Variants in TENM4 observed in about 807,000 individuals in gnomAD.
The protein encoded by TENM4 is teneurin transmembrane protein 4.
Under a neutral mutation model 243.3 loss-of-function variants are expected in TENM4, and 82 were observed. The observed-to-expected ratio is 0.34, with a 90% CI of 0.28 to 0.40. The LOEUF (loss-of-function observed/expected upper bound fraction) is 0.40, where lower values mean the gene tolerates loss of function less well. Ranked by LOEUF, TENM4 falls within the 10% of genes least tolerant of loss-of-function variation. The pLI is 1.00. For synonymous variants in TENM4, 1,412 were observed against 1,456.3 expected, an observed-to-expected ratio of 0.97 and a Z score of 0.69; for missense variants, 3,138 against 3,673.3, an observed-to-expected ratio of 0.85 and a Z score of 3.77.
chr11:78,958,935 GT>G (rs1857262266), intron 6 of TENM4, among the ~76,000 whole-genome samples: 1 of 152,242 alleles, frequency 6.6e-6, no homozygotes, highest in African/African-American at 2.4e-5. Context: ...AGATAGAAAA[GT>G]TTTATCAGCT....
intron 6 of TENM4, among the ~76,000 whole-genome samples, chr11:78,961,964 G>A (rs1009729521): frequency 1.1e-4 from 17 of 152,134 alleles, no homozygotes; most frequent in Non-Finnish European, 1.8e-4. Context: ...ACACTCCAGC[G>A]GCGCCGCGGG....
Position 78,742,522 on chromosome 11 carries a change from C to A in TENM4, c.2757-3952G>T, listed in dbSNP as rs536945202. ...TCACTAAAGCCAACGTGAAATGCCC[C>A]CGTGTAGTTTTCTCTGACACCAGTG... On this transcript the variant is annotated intron_variant, in intron 19 of 33. Coordinates refer to ENST00000278550, the MANE Select transcript of TENM4 (RefSeq NM_001098816.3). Among the ~76,000 whole-genome samples, 36 of 152,280 alleles carry A rather than the reference C, an allele frequency of 2.4e-4. No individual in the cohort carries two copies. The South Asian group carries it at 6.6e-3, about 28-fold the overall frequency.
chr11:79,385,153 C>A (rs970692713), intron 1 of TENM4, among the ~76,000 whole-genome samples: 3 of 152,038 alleles, frequency 2.0e-5, no homozygotes, highest in Non-Finnish European at 4.4e-5. Flanking sequence ...TGGCTTTCAC[C>A]TTGGATCCAC....
intron 6 of TENM4, among the ~76,000 whole-genome samples, chr11:78,935,987 C>T (rs1265371791): frequency 6.6e-6 from 1 of 152,152 alleles, no homozygotes; most frequent in Admixed American, 6.5e-5. Context: ...GTGAAAGCTT[C>T]GTGATTCCAT....
Position 78,812,166 on chromosome 11 carries a change from G to T in TENM4, c.1934C>A (p.Thr645Asn). ...CTTGTAGCCAGGGTTGCAGATGCAG[G>T]TGCCCGTGATGCAGGTGCCATGGTT... ...CSNHGTCITG[T>N]CICNPGYKGE... The change falls in exon 14 of 34, where the codon ACC becomes AAC. Residue 645 changes from threonine to asparagine, a missense_variant. Thr to Asn is a moderately conservative substitution (Grantham distance 65). Around this residue, in one of 2 missense-constraint regions of TENM4, gnomAD observed 2,467 missense variants for 3,059.1 expected, o/e 0.81. Transcript: ENST00000278550. The T allele has an allele frequency of 6.4e-7, 1 of 1,551,738 alleles. No individual in the cohort carries two copies. Among genetic ancestry groups the T allele is most frequent in the Non-Finnish European group, 8.7e-7 (1 of 1,147,038 alleles).
In TENM4 at chr11:78,702,010, T is replaced by G. The variant is rs770111861; in HGVS notation, c.4603A>C (p.Lys1535Gln). Residue 1535 changes from lysine (K) to glutamine (Q), a missense_variant, in exon 28 of 34, where the codon AAG becomes CAG. Around this residue, in one of 2 missense-constraint regions of TENM4, gnomAD observed 2,467 missense variants for 3,059.1 expected, o/e 0.81. Transcript: ENST00000278550. ...GCCAAGGAAGATGGGGTATTTAACT[T>G]TGCATCCTTGGCATAACCATCGTCT... ...SGDDGYAKDAKLNTPSSLAVC... is the reference protein window; with the variant it reads ...SGDDGYAKDAQLNTPSSLAVC... 1.0e-4 allele frequency: 165 copies of G among 1,613,808 alleles called. No individual in the cohort carries two copies. Among genetic ancestry groups the G allele is most frequent in the Admixed American group, 3.0e-4 (18 of 59,996 alleles).
intron 6 of TENM4, among the ~76,000 whole-genome samples, chr11:78,912,462 G>C (rs1856210851): frequency 6.6e-6 from 1 of 152,142 alleles, no homozygotes; most frequent in African/African-American, 2.4e-5. Context: ...TCACCATGTT[G>C]GCCAGGCTGG....
intron 6 of TENM4, among the ~76,000 whole-genome samples, chr11:78,964,623 C>CA (rs1196172280): frequency 2.0e-5 from 3 of 152,194 alleles, no homozygotes; most frequent in Admixed American, 2.0e-4. Flanking sequence ...ACTGACCACC[C>CA]AGTACTAGAG....
At chr11:79,086,100 A>G (rs1860805509) in intron 4 of TENM4, among the ~76,000 whole-genome samples, 1 of 152,214 alleles carries the variant, frequency 6.6e-6, no homozygotes, top group South Asian at 2.1e-4. Context: ...ACTCTTGTGT[A>G]GTCCCCCACA....
At chr11:79,430,807 T>C (rs1859151629) in intron 1 of TENM4, among the ~76,000 whole-genome samples, 1 of 152,188 alleles carries the variant, frequency 6.6e-6, no homozygotes, top group African/African-American at 2.4e-5. Flanking sequence ...CAATACCCCA[T>C]GCTGCTCAGT....
At chr11:78,986,505 T>A (rs1172604035) in intron 6 of TENM4, among the ~76,000 whole-genome samples, 3 of 152,172 alleles carry the variant, frequency 2.0e-5, no homozygotes, top group African/African-American at 7.2e-5. Context: ...AGTTAAAGGC[T>A]GTAGGAGCCA....
intron 2 of TENM4, among the ~76,000 whole-genome samples, chr11:79,286,657 G>A (rs1050731631): frequency 6.6e-6 from 1 of 151,852 alleles, no homozygotes; most frequent in East Asian, 1.9e-4. Context: ...CAACAAGAGC[G>A]AAACTCCGTC....
chr11:78,887,859 C>A (rs1855579598), intron 9 of TENM4, among the ~76,000 whole-genome samples: 1 of 152,186 alleles, frequency 6.6e-6, no homozygotes. Flanking sequence ...TGATATAAAC[C>A]TTAAGACTTC....
chr11:79,174,308 A>G, intron 3 of TENM4, among the ~76,000 whole-genome samples: 1 of 152,092 alleles, frequency 6.6e-6, no homozygotes, highest in East Asian at 1.9e-4. Flanking sequence ...GGAGAGATGT[A>G]CTGACTCATA....
At chr11:79,083,967 A>ATGTGTG (rs138997875) in intron 4 of TENM4, among the ~76,000 whole-genome samples, 1 of 151,604 alleles carries the variant, frequency 6.6e-6, no homozygotes, top group African/African-American at 2.4e-5. Flanking sequence ...ATATATATAT[A>ATGTGTG]TGTGTGTGTG....
intron 6 of TENM4, among the ~76,000 whole-genome samples, chr11:78,955,069 G>T (rs1002642869): frequency 1.1e-4 from 17 of 152,238 alleles, no homozygotes; most frequent in Admixed American, 1.1e-3. Context: ...CATGATAGCA[G>T]CGGGCCTCAC....
chr11:78,721,797 G>A lies in TENM4; in HGVS notation c.3800+871C>T, dbSNP rs117963223. Among the ~76,000 whole-genome samples the A allele has an allele frequency of 7.7e-3, 1,175 of 152,256 alleles. 13 individuals are homozygous for A. The highest frequency in any genetic ancestry group is 0.013 in the Non-Finnish European group (853 of 68,016). ...GACAGGCAGATTCCATTCCCTAAAG[G>A]AGTTGGGAGGGAGCTTGGCGCAATT... On this transcript the variant is annotated intron_variant, in intron 24 of 33. Coordinates refer to ENST00000278550, the MANE Select transcript of TENM4 (RefSeq NM_001098816.3).
At chr11:79,133,819 G>C (rs997204244) in intron 4 of TENM4, among the ~76,000 whole-genome samples, 1 of 152,006 alleles carries the variant, frequency 6.6e-6, no homozygotes, top group African/African-American at 2.4e-5. Flanking sequence ...AAAACACTCA[G>C]CAAAATCAGC....
At chr11:78,736,950 G>A (rs1338453253) in intron 20 of TENM4, among the ~76,000 whole-genome samples, 1 of 152,156 alleles carries the variant, frequency 6.6e-6, no homozygotes, top group Non-Finnish European at 1.5e-5. Context: ...GCACAAACAG[G>A]AGGAATCAGG....
Sources: gnomAD v4.1 joint callset for allele counts (sites outside exome capture counted in the v4.1 genomes callset) on GRCh38, gnomAD v4.1.1 for gene constraint, gnomAD v4.1.1 regional missense constraint, MANE v1.5 for transcripts, NCBI Gene and HGNC (gene_info 2026-07-23, HGNC 2026-07-21) for gene names.